Variants in LCORL observed in about 807,000 individuals in gnomAD.
LCORL encodes the protein ligand dependent nuclear receptor corepressor like.
Under a neutral mutation model 141.8 loss-of-function variants are expected in LCORL, and 41 were observed. The observed-to-expected ratio is 0.29, with a 90% CI of 0.23 to 0.38. The LOEUF is 0.38. Among genes scored for constraint, LCORL ranks in the 10% least tolerant of loss-of-function variants. The pLI, the probability that LCORL is intolerant of heterozygous loss-of-function variation, is 1.00. For synonymous variants in LCORL, 618 were observed against 694.1 expected, an observed-to-expected ratio of 0.89 and a Z score of 1.72; for missense variants, 1,759 against 2,035.0, an observed-to-expected ratio of 0.86 and a Z score of 2.61.
Position 17,878,101 on chromosome 4 carries a change from T to C in LCORL, c.889A>G (p.Met297Val), listed in dbSNP as rs987240909. Residue 297 changes from methionine (M) to valine (V), a missense_variant, in exon 7 of 8, where the codon ATG becomes GTG. By Grantham distance (21) the Met-to-Val change is conservative. This residue lies in a region of LCORL where 1,311 missense variants were observed against 1,531.3 expected (regional missense o/e 0.86). Transcript: ENST00000635767. The stretch of plus-strand genomic sequence containing the variant: ...TGCTCTTGGACTAGAAATTTCAACA[T>C]AGCCAAAACTTGTTGCTGGTGATGT... 8.9e-6 allele frequency: 11 copies of C among 1,230,394 alleles called. No individual in the cohort carries two copies. The African/African-American group carries it at 9.3e-5, about 10-fold the overall frequency. 76.2% of individuals were successfully genotyped at this position (1,230,394 alleles called of 1,614,324 possible).
chr4:17,975,824 AAAG>A (rs1465830991), intron 1 of LCORL, among the ~76,000 whole-genome samples: 3 of 152,242 alleles, frequency 2.0e-5, no homozygotes, highest in Admixed American at 6.5e-5. Context: ...GTAACACGGA[AAAG>A]AATATGTGTC....
At chr4:17,898,194 T>C (rs1337493477) in intron 5 of LCORL, among the ~76,000 whole-genome samples, 2 of 152,144 alleles carry the variant, frequency 1.3e-5, no homozygotes, top group African/African-American at 4.8e-5. Context: ...CCTTAAAGTA[T>C]TTTTTTGCCC....
At chr4:18,012,667 T>C (rs544020258) in intron 1 of LCORL, among the ~76,000 whole-genome samples, 2 of 151,764 alleles carry the variant, frequency 1.3e-5, no homozygotes, top group South Asian at 2.1e-4. Flanking sequence ...ATTAGGAAAC[T>C]TTTTTGAAGG....
chr4:17,851,517 G>A (rs1723710913), intron 7 of LCORL, among the ~76,000 whole-genome samples: 1 of 152,012 alleles, frequency 6.6e-6, no homozygotes, highest in South Asian at 2.1e-4. Flanking sequence ...TTTCATATTT[G>A]TACAATGAAT....
intron 6 of LCORL, among the ~76,000 whole-genome samples, chr4:17,885,319 T>C (rs891331234): frequency 6.6e-6 from 1 of 151,986 alleles, no homozygotes; most frequent in Non-Finnish European, 1.5e-5. Context: ...ATTTTAGATA[T>C]TATAAATGTC....
chr4:17,989,584 G>T (rs901481395), intron 1 of LCORL, among the ~76,000 whole-genome samples: 17 of 152,088 alleles, frequency 1.1e-4, no homozygotes, highest in Non-Finnish European at 2.2e-4. Flanking sequence ...AACACAAGCC[G>T]CATCAGTAAA....
At chr4:17,871,959 C>G (rs1377121159) in intron 7 of LCORL, among the ~76,000 whole-genome samples, 12 of 151,856 alleles carry the variant, frequency 7.9e-5, no homozygotes, top group African/African-American at 2.9e-4. Flanking sequence ...ATAACTGAAT[C>G]TTGGGGGTCA....
chr4:17,933,716 C>A (rs1036170070), intron 4 of LCORL, among the ~76,000 whole-genome samples: 1 of 151,948 alleles, frequency 6.6e-6, no homozygotes, highest in African/African-American at 2.4e-5. Context: ...ATACTCTATT[C>A]ATTTTGAATT....
exon 8 of LCORL, chr4:17,842,072 T>C (rs1722463463): frequency 2.5e-6 from 1 of 399,998 alleles, no homozygotes; most frequent in African/African-American, 2.0e-5. Context: ...GCTTGAAATT[T>C]CCTTATTTTC....
chr4:17,902,716 G>A (rs528234589), intron 5 of LCORL, among the ~76,000 whole-genome samples: 3 of 152,054 alleles, frequency 2.0e-5, no homozygotes, highest in East Asian at 1.9e-4. Context: ...CTAAATATGC[G>A]GCTGAAATTC....
intron 6 of LCORL, chr4:17,881,608 G>C: frequency 1.0e-6 from 1 of 981,210 alleles, no homozygotes; most frequent in Non-Finnish European, 1.2e-6. Context: ...TATGAATCCT[G>C]TAAAGTTTTT....
At chr4:17,845,751 A>G (rs1274305654) in exon 8 of LCORL, 2 of 1,610,584 alleles carry the variant, frequency 1.2e-6, no homozygotes, top group Non-Finnish European at 1.7e-6. Context: ...GATTTTGGTT[A>G]TGAACTGTAC....
intron 1 of LCORL, among the ~76,000 whole-genome samples, chr4:17,999,191 A>AACCGGGTGCGGTGGCTCAC (rs1721501944): frequency 6.6e-6 from 1 of 150,436 alleles, no homozygotes; most frequent in South Asian, 2.1e-4. Context: ...AGGATGTCTA[A>AACCGGGTGCGGTGGCTCAC]GCCTGTAATC....
Position 17,962,036 on chromosome 4 carries a change from A to G in LCORL, c.301-4T>C. 11 of 1,566,942 alleles carry G rather than the reference A, an allele frequency of 7.0e-6. No homozygotes were observed. Among genetic ancestry groups the G allele is most frequent in the Non-Finnish European group, 8.6e-6 (10 of 1,158,348 alleles). ...AATCAAGAGATGGTATACAATCCTAAAAGTATAAGAAAACAACAACATACA... is the reference window on the plus strand; with the variant it reads ...AATCAAGAGATGGTATACAATCCTAGAAGTATAAGAAAACAACAACATACA... On this transcript the variant is annotated splice_region_variant and splice_polypyrimidine_tract_variant and intron_variant, in intron 3 of 7. Coordinates refer to ENST00000635767, the Ensembl canonical transcript of LCORL.
At chr4:18,020,347 T>C (rs1470065766) in intron 1 of LCORL, among the ~76,000 whole-genome samples, 5 of 151,784 alleles carry the variant, frequency 3.3e-5, no homozygotes, top group African/African-American at 1.2e-4. Flanking sequence ...ACTCCCCAAC[T>C]CCAAATGCCA....
In LCORL at chr4:17,842,274, T is replaced by C. The variant is rs755927681; in HGVS notation, c.*3614A>G. 3 of 1,581,382 alleles carry C rather than the reference T, an allele frequency of 1.9e-6. No individual in the cohort carries two copies. The East Asian group carries it at 6.7e-5, about 35-fold the overall frequency. Reference sequence around the variant, plus strand: ...TAGATTAAAAACAAAAAGCAACTGATAATAAATCCTGATAATGAATTATAC... The same window carrying C: ...TAGATTAAAAACAAAAAGCAACTGACAATAAATCCTGATAATGAATTATAC... On this transcript the variant is annotated 3_prime_UTR_variant, in exon 8 of 8. Transcript: ENST00000635767.
At chr4:17,842,415 T>C (rs200472378) in exon 8 of LCORL, 7 of 1,530,522 alleles carry the variant, frequency 4.6e-6, no homozygotes, top group Non-Finnish European at 6.3e-6. Flanking sequence ...TGGAGGCCTA[T>C]CTTCACTTTT....
intron 7 of LCORL, among the ~76,000 whole-genome samples, chr4:17,870,352 C>T (rs1482864294): frequency 6.6e-6 from 1 of 152,120 alleles, no homozygotes; most frequent in Non-Finnish European, 1.5e-5. Context: ...TTTTCCACAT[C>T]GTTTGCAACT....
At chr4:17,875,929 A>G (rs761077640) in exon 7 of LCORL, 426 of 1,231,048 alleles carry the variant, frequency 3.5e-4, no homozygotes, top group Non-Finnish European at 4.6e-5. Context: ...TAATGACTGG[A>G]GTGATAATTT....
Sources: allele counts gnomAD v4.1 joint callset (sites outside exome capture counted in the v4.1 genomes callset), GRCh38; gene constraint gnomAD v4.1.1; regional missense constraint gnomAD v4.1.1; transcripts MANE v1.5; gene names NCBI Gene and HGNC (gene_info 2026-07-23, HGNC 2026-07-21).